Variants in BBS9 observed in about 807,000 individuals in gnomAD.
BBS9 encodes the protein Bardet-Biedl syndrome 9.
A neutral mutation model predicts 117.7 loss-of-function variants in BBS9; 89 were observed. The observed-to-expected ratio is 0.76, with a 90% confidence interval of 0.64 to 0.90. BBS9 has a LOEUF of 0.90. Among genes scored for constraint, BBS9 ranks in the 40% least tolerant of loss-of-function variants. The probability of loss-of-function intolerance (pLI) is 0.00; values close to 1 mark genes in which losing one functional copy is unlikely to be tolerated. For synonymous variants in BBS9, 379 were observed against 370.9 expected, an observed-to-expected ratio of 1.02 and a Z score of -0.25; for missense variants, 982 against 1,042.2, an observed-to-expected ratio of 0.94 and a Z score of 0.80.
At chr7:33,455,551 C>G (rs982704063) in intron 19 of BBS9, among the ~76,000 whole-genome samples, 1 of 152,290 alleles carries the variant, frequency 6.6e-6, no homozygotes, top group South Asian at 2.1e-4. Context: ...TCCCACTACT[C>G]AAGGCAATCT....
intron 5 of BBS9, among the ~76,000 whole-genome samples, chr7:33,232,776 ATG>A (rs1792733729): frequency 6.6e-6 from 1 of 152,094 alleles, no homozygotes; most frequent in South Asian, 2.1e-4. Flanking sequence ...GTGCTTGTAT[ATG>A]TGTGTGTATA....
intron 5 of BBS9, among the ~76,000 whole-genome samples, chr7:33,191,940 T>C (rs145526262): frequency 1.3e-5 from 2 of 151,378 alleles, no homozygotes; most frequent in African/African-American, 2.4e-5. Context: ...TTAAAACATA[T>C]GTACCGGTAA....
At chr7:33,481,486 A>G (rs1442979428) in intron 19 of BBS9, among the ~76,000 whole-genome samples, 2 of 151,926 alleles carry the variant, frequency 1.3e-5, no homozygotes, top group Non-Finnish European at 2.9e-5. Flanking sequence ...ATTATGTAAT[A>G]TGATATTATA....
intron 21 of BBS9, among the ~76,000 whole-genome samples, chr7:33,619,630 C>A (rs1865308282): frequency 6.6e-6 from 1 of 152,038 alleles, no homozygotes; most frequent in Admixed American, 6.6e-5. Flanking sequence ...CCTAACAAAT[C>A]CAAGAAGATT....
intron 21 of BBS9, among the ~76,000 whole-genome samples, chr7:33,552,138 TTGAG>T (rs1854530278): frequency 6.6e-6 from 1 of 152,188 alleles, no homozygotes; most frequent in Non-Finnish European, 1.5e-5. Flanking sequence ...TATCTTTATT[TTGAG>T]TTTTTTATTT....
intron 5 of BBS9, among the ~76,000 whole-genome samples, chr7:33,246,805 G>A (rs1452320660): frequency 1.3e-5 from 2 of 152,080 alleles, no homozygotes; most frequent in African/African-American, 4.8e-5. Flanking sequence ...ATGTGAATAT[G>A]TGTGTGTGTT....
intron 16 of BBS9, among the ~76,000 whole-genome samples, chr7:33,360,867 G>A (rs1443846674): frequency 6.6e-6 from 1 of 152,074 alleles, no homozygotes; most frequent in African/African-American, 2.4e-5. Context: ...CCAGAAGTGG[G>A]CAGTGGAAGC....
At chr7:33,146,113 G>A in intron 1 of BBS9, 129 bp from the exon 2 acceptor site, 1 of 675,528 alleles carries the variant, frequency 1.5e-6, no homozygotes, top group South Asian at 1.7e-5. Context: ...TCAAATATGT[G>A]TACAAAATAT....
chr7:33,374,189 T>C (rs935694035), intron 17 of BBS9, among the ~76,000 whole-genome samples: 1 of 152,128 alleles, frequency 6.6e-6, no homozygotes, highest in Non-Finnish European at 1.5e-5. Flanking sequence ...GTAGAGGGTC[T>C]TGAGGAAGGA....
At chr7:33,475,399 C>A (rs1841663050) in intron 19 of BBS9, among the ~76,000 whole-genome samples, 1 of 152,166 alleles carries the variant, frequency 6.6e-6, no homozygotes, top group Non-Finnish European at 1.5e-5. Context: ...ATCCTGGTTG[C>A]TGGTTCAGCA....
chr7:33,340,843 T>C (rs1816365057), intron 10 of BBS9, 54 bp from the exon 11 acceptor site: 6 of 1,483,714 alleles, frequency 4.0e-6, no homozygotes, highest in South Asian at 1.2e-5. Context: ...AGAAAAACTA[T>C]ATATAGAAAG....
chr7:33,467,484 T>C (rs1227878825), intron 19 of BBS9, among the ~76,000 whole-genome samples: 1 of 152,164 alleles, frequency 6.6e-6, no homozygotes, highest in Non-Finnish European at 1.5e-5. Context: ...TTGTATATTT[T>C]TTGCACTTTG....
At chr7:33,452,796 G>T (rs945960814) in intron 19 of BBS9, among the ~76,000 whole-genome samples, 1 of 152,086 alleles carries the variant, frequency 6.6e-6, no homozygotes, top group Admixed American at 6.5e-5. Context: ...AGAAGAAAGA[G>T]AACAAAAACT....
intron 19 of BBS9, among the ~76,000 whole-genome samples, chr7:33,418,618 C>T (rs534212402): frequency 6.6e-5 from 10 of 152,240 alleles, no homozygotes; most frequent in African/African-American, 2.2e-4. Flanking sequence ...CTCCCTAGGT[C>T]GCTGGAGACA....
intron 21 of BBS9, among the ~76,000 whole-genome samples, chr7:33,563,685 A>G (rs1315662584): frequency 6.6e-6 from 1 of 152,206 alleles, no homozygotes; most frequent in African/African-American, 2.4e-5. Context: ...TTCTCAGGTG[A>G]ATAACTCAAT....
chr7:33,448,104 T>A (rs1257406443), intron 19 of BBS9, among the ~76,000 whole-genome samples: 1 of 152,186 alleles, frequency 6.6e-6, no homozygotes, highest in African/African-American at 2.4e-5. Flanking sequence ...TCCTGCCTTC[T>A]TTGATGTTCT....
chr7:33,200,585 T>C (rs1362480728), intron 5 of BBS9, among the ~76,000 whole-genome samples: 3 of 152,166 alleles, frequency 2.0e-5, no homozygotes, highest in Non-Finnish European at 2.9e-5. Context: ...CACATATTTA[T>C]TTATATTGCC....
chr7:33,272,623 G>A (rs1799989171), intron 7 of BBS9, among the ~76,000 whole-genome samples: 2 of 152,050 alleles, frequency 1.3e-5, no homozygotes, highest in African/African-American at 4.8e-5. Context: ...CTCTGTATAT[G>A]CATATTGATA....
chr7:33,256,021 G>T (rs1481398074), intron 5 of BBS9, among the ~76,000 whole-genome samples: 1 of 152,048 alleles, frequency 6.6e-6, no homozygotes, highest in Non-Finnish European at 1.5e-5. Context: ...GCTGGGCGTG[G>T]TGGTGCCTGT....
Sources: gnomAD v4.1 joint callset for allele counts (sites outside exome capture counted in the v4.1 genomes callset) on GRCh38, gnomAD v4.1.1 for gene constraint, MANE v1.5 for transcripts, NCBI Gene and HGNC (gene_info 2026-07-23, HGNC 2026-07-21) for gene names.